Variants in DISC1 observed in about 807,000 individuals in gnomAD.
The protein encoded by DISC1 is DISC1 scaffold protein, also known as disrupted in schizophrenia 1 protein.
DISC1 carries 57 observed loss-of-function variants against 84.5 expected under a neutral mutation model. That is an observed-to-expected ratio of 0.67 (90% CI 0.55 to 0.84). The LOEUF (loss-of-function observed/expected upper bound fraction) is 0.84, where lower values mean the gene tolerates loss of function less well. Among genes scored for constraint, DISC1 ranks in the 40% least tolerant of loss-of-function variants. DISC1 has a pLI of 0.00. For synonymous variants in DISC1, 411 were observed against 415.2 expected, an observed-to-expected ratio of 0.99 and a Z score of 0.12; for missense variants, 1,000 against 1,057.8, an observed-to-expected ratio of 0.95 and a Z score of 0.76.
Position 231,806,376 on chromosome 1 carries a change from A to C in DISC1, c.1792+6166A>C, listed in dbSNP as rs559259111. 2.0e-5 allele frequency among the ~76,000 whole-genome samples: 3 copies of C among 152,314 alleles called. No individual in the cohort carries two copies. In the East Asian group the frequency reaches 5.8e-4, roughly 29 times the overall value. On this transcript the variant is annotated intron_variant, in intron 8 of 12. Transcript: ENST00000439617. ...GCCTGTGCAGTCTCCTGACTGGCCAACTAGGCTGGGCCACTTGTCAATGGG... is the reference window on the plus strand; with the variant it reads ...GCCTGTGCAGTCTCCTGACTGGCCACCTAGGCTGGGCCACTTGTCAATGGG...
chr1:231,762,236 TTC>T lies in DISC1; in HGVS notation c.1269-4902_1269-4901del, dbSNP rs1352006804. ...TTCTCTTCTTTTCTTTTCTTTTCTT[TTC>T]TTTTCTTTTCTTTTCTTTATTTTCT... On this transcript the variant is annotated intron_variant, in intron 4 of 12. Transcript: ENST00000439617. Among the ~76,000 whole-genome samples, 70 of 44,270 alleles carry T rather than the reference TTC, an allele frequency of 1.6e-3. 1 individual carries two copies. Among genetic ancestry groups the T allele is most frequent in the African/African-American group, 5.8e-3 (68 of 11,738 alleles). 29.0% of individuals were successfully genotyped at this position (44,270 alleles called of 152,430 possible).
chr1:231,649,694 G>A (rs185661355), intron 1 of DISC1, among the ~76,000 whole-genome samples: 259 of 152,300 alleles, frequency 1.7e-3, no homozygotes, highest in Middle Eastern at 6.8e-3. Flanking sequence ...GGGAGTCTAA[G>A]TCTCTTTGCA....
chr1:231,946,579 C>G (rs747003611), intron 9 of DISC1, among the ~76,000 whole-genome samples: 2 of 152,132 alleles, frequency 1.3e-5, no homozygotes, highest in Non-Finnish European at 2.9e-5. Context: ...TCTCACCACT[C>G]CTATTCAACA....
chr1:231,875,129 ATC>A (rs1458988722), intron 9 of DISC1, among the ~76,000 whole-genome samples: 2 of 152,118 alleles, frequency 1.3e-5, no homozygotes, highest in African/African-American at 4.8e-5. Context: ...AGAAAAATCA[ATC>A]TCTATCTTTG....
chr1:231,858,176 G>A (rs946646221), intron 9 of DISC1, among the ~76,000 whole-genome samples: 4 of 152,200 alleles, frequency 2.6e-5, no homozygotes, highest in African/African-American at 9.6e-5. Flanking sequence ...ATAAAATATA[G>A]CCTCACTGAA....
chr1:231,690,137 T>G (rs2064815103), intron 1 of DISC1, among the ~76,000 whole-genome samples: 1 of 152,134 alleles, frequency 6.6e-6, no homozygotes, highest in Non-Finnish European at 1.5e-5. Flanking sequence ...GACATCTGGG[T>G]CTGTTCTAAG....
chr1:231,913,004 C>T (rs1215405366), intron 9 of DISC1, among the ~76,000 whole-genome samples: 1 of 151,904 alleles, frequency 6.6e-6, no homozygotes, highest in Non-Finnish European at 1.5e-5. Flanking sequence ...ACCTCCCAGG[C>T]TCAAGTGATC....
chr1:231,742,956 A>C (rs1415539747), intron 3 of DISC1, among the ~76,000 whole-genome samples: 1 of 152,224 alleles, frequency 6.6e-6, no homozygotes, highest in East Asian at 1.9e-4. Flanking sequence ...GGTGAGTGGC[A>C]GCATGGAACA....
intron 8 of DISC1, among the ~76,000 whole-genome samples, chr1:231,803,420 C>T (rs2079436901): frequency 6.6e-6 from 1 of 152,166 alleles, no homozygotes; most frequent in African/African-American, 2.4e-5. Flanking sequence ...TCCAGAGTGA[C>T]TTAGCTGGGT....
At chr1:231,655,886 T>G (rs1159961502) in intron 1 of DISC1, among the ~76,000 whole-genome samples, 1 of 152,180 alleles carries the variant, frequency 6.6e-6, no homozygotes, top group Non-Finnish European at 1.5e-5. Flanking sequence ...TTCTTGGCCA[T>G]TTGTATATGT....
chr1:231,725,773 A>G lies in DISC1; in HGVS notation c.1117+23749A>G, dbSNP rs560263685. On this transcript the variant is annotated intron_variant, in intron 3 of 12. Coordinates refer to ENST00000439617, the MANE Select transcript of DISC1 (RefSeq NM_018662.3). ...ATTTTCCGTTTGCTGAGAAAAGTTCAGTTAGTGCTGCCTGAGCTGGCTGAA... is the reference window on the plus strand; with the variant it reads ...ATTTTCCGTTTGCTGAGAAAAGTTCGGTTAGTGCTGCCTGAGCTGGCTGAA... 2.6e-5 allele frequency among the ~76,000 whole-genome samples: 4 copies of G among 151,496 alleles called. No homozygotes were observed. The East Asian group carries it at 7.8e-4, about 30-fold the overall frequency.
Position 231,675,506 on chromosome 1 carries a change from T to A in DISC1, c.68-18320T>A, listed in dbSNP as rs1029572323. ...ACCTTATCATCAGATAGAGATGCTA[T>A]TTGTACATTTCTCCCTCATACATGT... On this transcript the variant is annotated intron_variant, in intron 1 of 12. Transcript: ENST00000439617. The surrounding 1 kb of genome is among the most constrained non-coding windows in gnomAD (Gnocchi z 4.1). 6.6e-6 allele frequency among the ~76,000 whole-genome samples: 1 copy of A among 152,212 alleles called. No homozygotes were observed. Among genetic ancestry groups the A allele is most frequent in the Non-Finnish European group, 1.5e-5 (1 of 68,028 alleles).
chr1:231,884,077 T>C (rs2086488309), intron 9 of DISC1, among the ~76,000 whole-genome samples: 1 of 152,036 alleles, frequency 6.6e-6, no homozygotes, highest in South Asian at 2.1e-4. Context: ...AATCATCTCC[T>C]TTGGGGTGGG....
chr1:231,750,163 GCTGTAGAGACC>G (rs2074457364), intron 4 of DISC1, 87 bp downstream of exon 4: 1 of 1,529,400 alleles, frequency 6.5e-7, no homozygotes, highest in African/African-American at 1.4e-5. Flanking sequence ...GAGGAGCTTA[GCTGTAGAGACC>G]CTTGGCTGCC....
intron 4 of DISC1, among the ~76,000 whole-genome samples, chr1:231,759,075 C>A (rs913855381): frequency 6.6e-6 from 1 of 152,192 alleles, no homozygotes; most frequent in African/African-American, 2.4e-5. Flanking sequence ...GTTTGCCTGT[C>A]CACATATTTC....
chr1:231,656,407 T>G (rs2061075101), intron 1 of DISC1, among the ~76,000 whole-genome samples: 1 of 152,188 alleles, frequency 6.6e-6, no homozygotes, highest in Non-Finnish European at 1.5e-5. Context: ...CTATTTGGCT[T>G]TATTTCTGGG....
chr1:231,738,508 A>G (rs1468758173), intron 3 of DISC1, among the ~76,000 whole-genome samples: 1 of 152,136 alleles, frequency 6.6e-6, no homozygotes, highest in Non-Finnish European at 1.5e-5. Context: ...GGTTCAGGTC[A>G]TGCAACCCTA....
rs80179386 is a variant in DISC1 at position 231,805,071 on chromosome 1, C to T, written c.1792+4861C>T. On this transcript the variant is annotated intron_variant, in intron 8 of 12. Coordinates refer to ENST00000439617, the MANE Select transcript of DISC1 (RefSeq NM_018662.3). Reference sequence around the variant, plus strand: ...AAGAACCATGATGATATTAATATATCCAGTTGAGTGTGGTGTAATACACAT... The same window carrying T: ...AAGAACCATGATGATATTAATATATTCAGTTGAGTGTGGTGTAATACACAT... 5.7e-3 allele frequency among the ~76,000 whole-genome samples: 865 copies of T among 152,234 alleles called. 7 individuals are homozygous for T. Among genetic ancestry groups the T allele is most frequent in the African/African-American group, 0.02 (845 of 41,522 alleles).
intron 9 of DISC1, among the ~76,000 whole-genome samples, chr1:231,956,453 C>T (rs1427514348): frequency 2.6e-5 from 4 of 152,226 alleles, no homozygotes; most frequent in South Asian, 4.1e-4. Flanking sequence ...TTTTCCTGGA[C>T]GATTGCACTA....
Sources: gnomAD v4.1 joint callset for allele counts (sites outside exome capture counted in the v4.1 genomes callset) on GRCh38, gnomAD v4.1.1 for gene constraint, Gnocchi (gnomAD v3.1) non-coding constraint, MANE v1.5 for transcripts, NCBI Gene and HGNC (gene_info 2026-07-23, HGNC 2026-07-21) for gene names.